NPAS3: variants seen among roughly 807,000 people sequenced by gnomAD.
The protein encoded by NPAS3 is neuronal PAS domain protein 3.
A neutral mutation model predicts 73.1 loss-of-function variants in NPAS3; 14 were observed. That is an observed-to-expected ratio of 0.19 (90% confidence interval 0.13 to 0.30). The LOEUF (loss-of-function observed/expected upper bound fraction) is 0.30. Ranked by LOEUF, NPAS3 falls within the 10% of genes least tolerant of loss-of-function variation. NPAS3 has a pLI of 1.00. For synonymous variants in NPAS3, 620 were observed against 541.5 expected (o/e 1.14, Z -2.01); for missense variants, 1,096 against 1,250.0 (o/e 0.88, Z 1.86).
chr14:33,692,566 A>G (rs1351864657), intron 6 of NPAS3, among the ~76,000 whole-genome samples: 1 of 152,154 alleles, frequency 6.6e-6, no homozygotes, highest in African/African-American at 2.4e-5. Context: ...GAAAGGAGAC[A>G]CTTAAAAGCC....
intron 7 of NPAS3, among the ~76,000 whole-genome samples, chr14:33,757,847 A>G (rs1365861924): frequency 6.6e-6 from 1 of 152,170 alleles, no homozygotes; most frequent in African/African-American, 2.4e-5. Context: ...TCCTACTGAC[A>G]TTCATTCTTT....
intron 2 of NPAS3, among the ~76,000 whole-genome samples, chr14:33,105,854 A>G (rs559112917): frequency 7.2e-5 from 11 of 152,302 alleles, no homozygotes; most frequent in African/African-American, 2.4e-4. Flanking sequence ...ATGGGTTGAC[A>G]TGGCTGATGT....
intron 3 of NPAS3, among the ~76,000 whole-genome samples, chr14:33,251,013 A>G (rs1265598570): frequency 1.3e-5 from 2 of 152,126 alleles, no homozygotes; most frequent in Admixed American, 6.6e-5. Context: ...TACAGTATAT[A>G]TTGGGCATGG....
At chr14:33,427,432 G>A (rs555326690) in intron 4 of NPAS3, among the ~76,000 whole-genome samples, 1 of 151,552 alleles carries the variant, frequency 6.6e-6, no homozygotes, top group African/African-American at 2.4e-5. Flanking sequence ...TCCACAACCA[G>A]AAAGGCATTA....
chr14:33,088,821 A>G (rs1401408416), intron 2 of NPAS3, among the ~76,000 whole-genome samples: 1 of 152,134 alleles, frequency 6.6e-6, no homozygotes, highest in African/African-American at 2.4e-5. Flanking sequence ...CCCCTCTGAG[A>G]CGAAGCTTCC....
At chr14:33,283,913 C>T in intron 3 of NPAS3, among the ~76,000 whole-genome samples, 1 of 152,112 alleles carries the variant, frequency 6.6e-6, no homozygotes, top group African/African-American at 2.4e-5. Context: ...TCCCGTAAAC[C>T]CTGTGAGGAT....
chr14:33,760,629 G>A (rs908314520), intron 7 of NPAS3, among the ~76,000 whole-genome samples: 9 of 151,778 alleles, frequency 5.9e-5, no homozygotes, highest in Non-Finnish European at 1.0e-4. Context: ...AGCACATATC[G>A]TGGGTGAGTG....
intron 5 of NPAS3, among the ~76,000 whole-genome samples, chr14:33,672,330 C>G (rs181069597): frequency 1.2e-4 from 19 of 152,254 alleles, no homozygotes; most frequent in Admixed American, 8.5e-4. Context: ...ATTATACTAA[C>G]ATAAAAGAAC....
At chr14:33,563,239 T>A (rs1254493182) in intron 5 of NPAS3, among the ~76,000 whole-genome samples, 1 of 152,124 alleles carries the variant, frequency 6.6e-6, no homozygotes, top group Non-Finnish European at 1.5e-5. Flanking sequence ...AAACAGCTTA[T>A]GCTCAGGATA....
At chr14:33,433,898 A>G (rs909765927) in intron 4 of NPAS3, among the ~76,000 whole-genome samples, 2 of 152,236 alleles carry the variant, frequency 1.3e-5, no homozygotes, top group African/African-American at 4.8e-5. Flanking sequence ...ACAGTTTAAT[A>G]AAACATACTA....
intron 2 of NPAS3, among the ~76,000 whole-genome samples, chr14:33,194,968 A>G (rs921751362): frequency 6.6e-6 from 1 of 152,170 alleles, no homozygotes; most frequent in African/African-American, 2.4e-5. Flanking sequence ...TATAAATATG[A>G]CTTACCTTAG....
intron 2 of NPAS3, among the ~76,000 whole-genome samples, chr14:33,090,585 T>A (rs1028676456): frequency 6.6e-6 from 1 of 152,130 alleles, no homozygotes; most frequent in Admixed American, 6.5e-5. Context: ...ATTAGACAGA[T>A]CAACGAGACA....
At chr14:33,260,721 A>G (rs1359775453) in intron 3 of NPAS3, among the ~76,000 whole-genome samples, 1 of 152,112 alleles carries the variant, frequency 6.6e-6, no homozygotes, top group South Asian at 2.1e-4. Flanking sequence ...TACAAACCAA[A>G]TATCATTCAT....
At chr14:33,065,493 AT>A (rs939297484) in intron 2 of NPAS3, among the ~76,000 whole-genome samples, 4 of 151,922 alleles carry the variant, frequency 2.6e-5, no homozygotes, top group Admixed American at 2.6e-4. Context: ...TCCTTCGAGG[AT>A]TTTGGTTTAG....
chr14:33,196,988 T>C (rs1028488474), intron 2 of NPAS3, among the ~76,000 whole-genome samples: 22 of 152,180 alleles, frequency 1.4e-4, no homozygotes, highest in African/African-American at 5.1e-4. Context: ...TTGATAACTA[T>C]GCATCATGAC....
chr14:33,752,654 C>T (rs1566500599), intron 7 of NPAS3, among the ~76,000 whole-genome samples: 1 of 152,178 alleles, frequency 6.6e-6, no homozygotes, highest in Non-Finnish European at 1.5e-5. Context: ...TTTGATGGGA[C>T]CAAACTCACA....
At chr14:33,251,628 A>T (rs192582367) in intron 3 of NPAS3, among the ~76,000 whole-genome samples, 118 of 152,240 alleles carry the variant, frequency 7.8e-4, no homozygotes, top group African/African-American at 2.7e-3. Context: ...TGAGGATAGC[A>T]TACTTTTAAA....
At chr14:33,679,273 G>T (rs1177231876) in intron 6 of NPAS3, among the ~76,000 whole-genome samples, 4 of 152,144 alleles carry the variant, frequency 2.6e-5, no homozygotes. Flanking sequence ...TTTTCTATCT[G>T]GGGCTTAAAA....
At chr14:33,454,098 A>G (rs1174663975) in intron 4 of NPAS3, among the ~76,000 whole-genome samples, 1 of 152,102 alleles carries the variant, frequency 6.6e-6, no homozygotes, top group Non-Finnish European at 1.5e-5. Context: ...TTTAGCCTAG[A>G]TTTCTGGACC....
Sources: allele counts gnomAD v4.1 joint callset (sites outside exome capture counted in the v4.1 genomes callset), GRCh38; gene constraint gnomAD v4.1.1; transcripts MANE v1.5; gene names NCBI Gene and HGNC (gene_info 2026-07-23, HGNC 2026-07-21).